Variants in RAD51B observed in about 807,000 individuals in gnomAD.
RAD51B encodes DNA repair protein RAD51 homolog 2.
In RAD51B, 38 loss-of-function variants were observed where a neutral mutation model predicts 42.2. The ratio of observed to expected loss-of-function variants is 0.90; its 90% CI spans 0.70 to 1.18. The LOEUF (loss-of-function observed/expected upper bound fraction) is 1.18. Ranked by LOEUF, RAD51B falls within the 50% of genes most tolerant of loss-of-function variation. RAD51B has a pLI of 0.00. For missense variants in RAD51B, 373 were observed against 400.7 expected, an observed-to-expected ratio of 0.93 and a Z score of 0.59; for synonymous variants, 154 against 145.2, an observed-to-expected ratio of 1.06 and a Z score of -0.43.
chr14:68,654,814 C>G (rs1892776201), intron 11 of RAD51B, among the ~76,000 whole-genome samples: 1 of 152,156 alleles, frequency 6.6e-6, no homozygotes, highest in Non-Finnish European at 1.5e-5. Context: ...TTTCCCAAAC[C>G]CTCTCAGGCT....
chr14:68,247,128 C>G (rs2080515449), intron 7 of RAD51B, among the ~76,000 whole-genome samples: 1 of 152,056 alleles, frequency 6.6e-6, no homozygotes, highest in Non-Finnish European at 1.5e-5. Context: ...GCATTAAGTA[C>G]TGTATATTGC....
intron 7 of RAD51B, among the ~76,000 whole-genome samples, chr14:68,119,351 G>T (rs967734958): frequency 1.4e-5 from 2 of 145,904 alleles, no homozygotes; most frequent in African/African-American, 5.1e-5. Flanking sequence ...AAGTTTTAGG[G>T]TACATGTGCA....
At chr14:68,352,366 A>G (rs752005454) in intron 8 of RAD51B, among the ~76,000 whole-genome samples, 5 of 152,200 alleles carry the variant, frequency 3.3e-5, no homozygotes, top group Non-Finnish European at 5.9e-5. Context: ...TCTGAAAGCC[A>G]GCAGGAACCT....
intron 8 of RAD51B, among the ~76,000 whole-genome samples, chr14:68,363,459 A>G (rs144284846): frequency 1.0e-3 from 152 of 152,314 alleles, no homozygotes; most frequent in African/African-American, 3.5e-3. Context: ...GTTTTTGTGT[A>G]TTCTCAGTGT....
intron 8 of RAD51B, among the ~76,000 whole-genome samples, chr14:68,308,714 A>AAT (rs2081915041): frequency 6.7e-6 from 1 of 150,276 alleles, no homozygotes; most frequent in African/African-American, 2.4e-5. Flanking sequence ...TAAAAAAAAA[A>AAT]AAAAAAAAAG....
At chr14:68,613,427 A>AG (rs1184316601), downstream of RAD51B, among the ~76,000 whole-genome samples, 1 of 151,516 alleles carries the variant, frequency 6.6e-6, no homozygotes, top group Non-Finnish European at 1.5e-5. Flanking sequence ...TCAAAAAAAA[A>AG]AAGATTGTTA....
At chr14:68,200,955 A>G (rs1029914243) in intron 7 of RAD51B, among the ~76,000 whole-genome samples, 1 of 152,122 alleles carries the variant, frequency 6.6e-6, no homozygotes, top group Non-Finnish European at 1.5e-5. Flanking sequence ...ATGCCCATCC[A>G]CATGGTTTTT....
At chr14:68,098,892 C>T (rs1426739587) in intron 7 of RAD51B, among the ~76,000 whole-genome samples, 3 of 152,130 alleles carry the variant, frequency 2.0e-5, no homozygotes, top group African/African-American at 4.8e-5. Flanking sequence ...GTGTCCATGG[C>T]GGTGTTGCTG....
At chr14:68,504,171 C>T (rs987410005) in intron 10 of RAD51B, among the ~76,000 whole-genome samples, 12 of 152,056 alleles carry the variant, frequency 7.9e-5, no homozygotes, top group African/African-American at 2.9e-4. Context: ...AGAGCTGGAT[C>T]GGGGCGCAAT....
chr14:68,488,233 G>A (rs1235542693), intron 10 of RAD51B, among the ~76,000 whole-genome samples: 1 of 143,558 alleles, frequency 7.0e-6, no homozygotes, highest in Admixed American at 7.0e-5. Context: ...AATAATACAG[G>A]GCTTACAAAC....
At chr14:68,631,851 C>T (rs1313082565) in intron 10 of RAD51B, among the ~76,000 whole-genome samples, 1 of 152,200 alleles carries the variant, frequency 6.6e-6, no homozygotes, top group Non-Finnish European at 1.5e-5. Context: ...GCTGGCCATC[C>T]ACCTCATATT....
chr14:68,438,676 C>T (rs532835499), intron 9 of RAD51B, among the ~76,000 whole-genome samples: 44 of 152,164 alleles, frequency 2.9e-4, no homozygotes, highest in Non-Finnish European at 5.9e-4. Context: ...TTCCTTATTT[C>T]GGATCCCTGG....
intron 7 of RAD51B, among the ~76,000 whole-genome samples, chr14:68,227,829 A>G (rs1034080769): frequency 3.9e-5 from 6 of 152,214 alleles, no homozygotes; most frequent in Non-Finnish European, 8.8e-5. Context: ...GGGCATGCCT[A>G]CATAACGGCT....
At chr14:68,039,279 T>A (rs1033152490) in intron 7 of RAD51B, among the ~76,000 whole-genome samples, 1 of 151,886 alleles carries the variant, frequency 6.6e-6, no homozygotes, top group Non-Finnish European at 1.5e-5. Flanking sequence ...AAATAAAAAA[T>A]TTGCTGGGTG....
At chr14:68,549,663 C>T (rs1262113296) in intron 10 of RAD51B, among the ~76,000 whole-genome samples, 1 of 151,422 alleles carries the variant, frequency 6.6e-6, no homozygotes, top group African/African-American at 2.4e-5. Flanking sequence ...ATCCGCCCGT[C>T]TCGGCCTCCC....
chr14:67,962,179 A>G (rs1204135353), intron 7 of RAD51B, among the ~76,000 whole-genome samples: 2 of 152,210 alleles, frequency 1.3e-5, no homozygotes, highest in African/African-American at 2.4e-5. Flanking sequence ...ACACAGGAGT[A>G]AGACACAAAG....
At chr14:68,419,302 CTT>C (rs1295312319) in intron 9 of RAD51B, among the ~76,000 whole-genome samples, 1 of 152,006 alleles carries the variant, frequency 6.6e-6, no homozygotes, top group East Asian at 1.9e-4. Flanking sequence ...ACTCTGGTGA[CTT>C]TTAGTAGATA....
chr14:68,175,566 T>G (rs2078948199), intron 7 of RAD51B, among the ~76,000 whole-genome samples: 1 of 152,222 alleles, frequency 6.6e-6, no homozygotes, highest in Non-Finnish European at 1.5e-5. Flanking sequence ...TTCATTTCTT[T>G]CTAAATGAGT....
chr14:67,975,715 C>T (rs930829193), intron 7 of RAD51B, among the ~76,000 whole-genome samples: 9 of 152,318 alleles, frequency 5.9e-5, no homozygotes, highest in Middle Eastern at 3.4e-3. Flanking sequence ...CTTATTTGAA[C>T]GTAGTTTGAA....
Sources: allele counts gnomAD v4.1 joint callset (sites outside exome capture counted in the v4.1 genomes callset), GRCh38; gene constraint gnomAD v4.1.1; transcripts MANE v1.5; gene names NCBI Gene and HGNC (gene_info 2026-07-23, HGNC 2026-07-21).